GGN: variants seen among roughly 807,000 people sequenced by gnomAD.
GGN encodes the protein gametogenetin.
A neutral mutation model predicts 35.5 loss-of-function variants in GGN; 27 were observed. The ratio of observed to expected loss-of-function variants is 0.76; its 90% CI spans 0.56 to 1.05. The LOEUF (loss-of-function observed/expected upper bound fraction) is 1.05, where lower values mean the gene tolerates loss of function less well. Ranked by LOEUF, GGN falls within the 50% of genes least tolerant of loss-of-function variation. GGN has a pLI of 0.00. For missense variants in GGN, 1,006 were observed against 940.7 expected, an observed-to-expected ratio of 1.07 and a Z score of -0.91; for synonymous variants, 425 against 444.1, an observed-to-expected ratio of 0.96 and a Z score of 0.54.
At chr19:38,385,272 G>C (rs1970688649) in intron 3 of GGN, 149 bp downstream of exon 3, 1 of 1,069,642 alleles carries the variant, frequency 9.3e-7, no homozygotes, top group Non-Finnish European at 1.3e-6. Flanking sequence ...GGGTCCTCTT[G>C]GTCCTGAAGG....
At chr19:38,385,250 G>T (rs1342180975) in intron 3 of GGN, among the ~76,000 whole-genome samples, 171 bp downstream of exon 3, 1 of 152,244 alleles carries the variant, frequency 6.6e-6, no homozygotes. Flanking sequence ...TCAAAGGTCA[G>T]CATGGGATCA....
chr19:38,385,276 C>T (rs1278040423), intron 3 of GGN, 145 bp downstream of exon 3: 2 of 1,144,618 alleles, frequency 1.7e-6, no homozygotes, highest in Non-Finnish European at 2.5e-6. Context: ...CCTCTTGGTC[C>T]TGAAGGGTGG....
In GGN at chr19:38,386,205, A is replaced by G; in HGVS notation, c.1057T>C (p.Trp353Arg). 1 of 1,605,352 alleles carries G rather than the reference A, an allele frequency of 6.2e-7. No homozygotes were observed. Among genetic ancestry groups the G allele is most frequent in the Non-Finnish European group, 8.5e-7 (1 of 1,179,042 alleles). ...TCAGGGCCGTCGGGAGCGCTAACCCAGTCGAATTTGGGCTTCGAGCCTGGG... is the reference window on the plus strand; with the variant it reads ...TCAGGGCCGTCGGGAGCGCTAACCCGGTCGAATTTGGGCTTCGAGCCTGGG... ...TFPGSKPKFD[W>R]VSAPDGPERH... The change falls in exon 3 of 4, where the codon TGG becomes CGG. Residue 353 changes from tryptophan to arginine, a missense_variant. Physicochemically the swap from Trp to Arg is moderately radical, Grantham distance 101. Transcript: ENST00000334928.
chr19:38,386,788 C>A lies in GGN; in HGVS notation c.474G>T (p.Pro158=). 1 of 1,610,854 alleles carries A rather than the reference C, an allele frequency of 6.2e-7. No individual in the cohort carries two copies. Among genetic ancestry groups the A allele is most frequent in the Non-Finnish European group, 8.5e-7 (1 of 1,178,048 alleles). The change falls in exon 3 of 4, where the codon CCG becomes CCT. Residue 158 remains proline (P), a synonymous_variant. Coordinates refer to ENST00000334928, the MANE Select transcript of GGN (RefSeq NM_152657.4). ...GCGGCGGAAATTGGGATGGGGCCCT[C>A]GGGACAGTGTCCTTCACGGATAGTT... ...PRQLSVKDTV[P]RAPSQFPPPL... is the part of the protein sequence containing the mutation.
rs1319209481 is a variant in GGN at position 38,386,282 on chromosome 19, G to A, written c.980C>T (p.Ser327Leu). The change falls in exon 3 of 4, where the codon TCG (serine) becomes TTG (leucine). Residue 327 changes from serine to leucine, a missense_variant. Ser to Leu is a moderately radical substitution (Grantham distance 145). Transcript: ENST00000334928. Reference protein sequence around the residue: ...GDGEGCSGPPSAPASQARALP... With the variant: ...GDGEGCSGPPLAPASQARALP... ...GGCCCGGGCTTGGGACGCAGGCGCCGAGGGAGGACCAGAGCACCCTTCGCC... is the reference window on the plus strand; with the variant it reads ...GGCCCGGGCTTGGGACGCAGGCGCCAAGGGAGGACCAGAGCACCCTTCGCC... The A allele has an allele frequency of 1.9e-6, 3 of 1,609,872 alleles. No homozygotes were observed. The highest frequency in any genetic ancestry group is 2.2e-5 in the South Asian group (2 of 90,776).
intron 3 of GGN, 24 bp downstream of exon 3, chr19:38,385,397 C>T: frequency 6.2e-7 from 1 of 1,612,910 alleles, no homozygotes; most frequent in Non-Finnish European, 8.5e-7. Context: ...GTTCGGCACC[C>T]TCCTGTCCCT....
chr19:38,388,217 A>C (rs1600509616), upstream of GGN: 1 of 298,430 alleles, frequency 3.4e-6, no homozygotes, highest in Non-Finnish European at 6.1e-6. Flanking sequence ...AGACCCGGCA[A>C]CATCGCTTCT....
Position 38,384,462 on chromosome 19 carries a change from G to A in GGN, c.1909C>T (p.Leu637=). 1 of 1,614,122 alleles carries A rather than the reference G, an allele frequency of 6.2e-7. No homozygotes were observed. The highest frequency in any genetic ancestry group is 8.5e-7 in the Non-Finnish European group (1 of 1,180,000). The part of the protein sequence containing the change: ...WVATIKLSGS[L]VAKLEHYDLQ... ...TCGTAGTGCTCCAGCTTGGCCACCAGAGAGCCGGACAGCTTGATGGTGGCA... is the reference window on the plus strand; with the variant it reads ...TCGTAGTGCTCCAGCTTGGCCACCAAAGAGCCGGACAGCTTGATGGTGGCA... The change falls in exon 4 of 4, where the codon CTG becomes TTG. Residue 637 remains leucine, a synonymous_variant. Transcript: ENST00000334928.
chr19:38,386,028 C>T lies in GGN; in HGVS notation c.1234G>A (p.Ala412Thr). Reference protein sequence around the residue: ...GPRRPAPALLAPPTFIFPAPT... With the variant: ...GPRRPAPALLTPPTFIFPAPT... ...GCTGGGAAGATGAACGTAGGCGGCG[C>T]CAGCAGGGCAGGTGCGGGCCTCCGG... The change falls in exon 3 of 4, where the codon GCG becomes ACG. Residue 412 changes from alanine to threonine, a missense_variant. Transcript: ENST00000334928. 1 of 1,605,102 alleles carries T rather than the reference C, an allele frequency of 6.2e-7. No homozygotes were observed. The highest frequency in any genetic ancestry group is 8.5e-7 in the Non-Finnish European group (1 of 1,176,214).
chr19:38,385,847 T>G lies in GGN; in HGVS notation c.1415A>C (p.Lys472Thr), dbSNP rs1173840327. Residue 472 changes from lysine (K) to threonine (T), a missense_variant, in exon 3 of 4, where the codon AAG becomes ACG. Lys to Thr is a moderately conservative substitution (Grantham distance 78). Transcript: ENST00000334928. The part of the protein sequence containing the change: ...APPLTPGLGH[K>T]ESALAPTAAP... ...TGCGGTGGGAGCCAGGGCTGACTCC[T>G]TGTGGCCCAGACCCGGGGTGAGCGG... 6.5e-7 allele frequency: 1 copy of G among 1,542,218 alleles called. No homozygotes were observed. The highest frequency in any genetic ancestry group is 8.7e-7 in the Non-Finnish European group (1 of 1,147,912).
Position 38,386,320 on chromosome 19 carries a change from T to G in GGN, c.942A>C (p.Gly314=), listed in dbSNP as rs1568391380. 2 of 1,611,662 alleles carry G rather than the reference T, an allele frequency of 1.2e-6. No individual in the cohort carries two copies. The highest frequency in any genetic ancestry group is 1.7e-6 in the Non-Finnish European group (2 of 1,179,086). ...AGCACCCTTCGCCGTCTCCATCACC[T>G]CCCTCGGCTTCCTGTGCCCCTCGAG... The part of the protein sequence containing the change: ...EVSRGAQEAE[G]GDGDGEGCSG... Residue 314 remains glycine (G), a synonymous_variant, in exon 3 of 4, where the codon GGA becomes GGC. Coordinates refer to ENST00000334928, the MANE Select transcript of GGN (RefSeq NM_152657.4).
chr19:38,385,436 C>T lies in GGN; in HGVS notation c.1826G>A (p.Arg609His), dbSNP rs147254848. 23 of 1,614,084 alleles carry T rather than the reference C, an allele frequency of 1.4e-5. No individual in the cohort carries two copies. The highest frequency in any genetic ancestry group is 3.4e-4 in the Middle Eastern group (2 of 5,952). The part of the protein sequence containing the change: ...HHQPRHRRLP[R>H]NVSAWLSTST... Reference sequence around the variant, plus strand: ...CCCCTCTCACCAGGCAGAGACGTTGCGTGGCAGGCGGCGATGGCGTGGCTG... The same window carrying T: ...CCCCTCTCACCAGGCAGAGACGTTGTGTGGCAGGCGGCGATGGCGTGGCTG... Residue 609 changes from arginine to histidine, a missense_variant, in exon 3 of 4, where the codon CGC (arginine) becomes CAC (histidine). Transcript: ENST00000334928.
chr19:38,384,646 C>A (rs1970680188), intron 3 of GGN, 117 bp from the exon 4 acceptor site: 2 of 749,770 alleles, frequency 2.7e-6, no homozygotes, highest in Non-Finnish European at 4.5e-6. Context: ...ATTGGAATAT[C>A]CCAAAGGCAG....
Position 38,387,413 on chromosome 19 carries a change from G to A in GGN, c.-19-133C>T. ...AGATCCGATCAGGCCCAAGTCCTTA[G>A]GTCGCACTCCTGTTCCCCGACCTTC... On this transcript the variant is annotated intron_variant, in intron 2 of 3. Transcript: ENST00000334928. This position sits in a 1 kb window ranked among gnomAD's most constrained non-coding sequence, Gnocchi z 5.3. 7.2e-7 allele frequency: 1 copy of A among 1,394,182 alleles called. No individual in the cohort carries two copies. Among genetic ancestry groups the A allele is most frequent in the Non-Finnish European group, 9.4e-7 (1 of 1,062,738 alleles). 86.4% of individuals were successfully genotyped at this position (1,394,182 alleles called of 1,614,324 possible).
rs778544490 is a variant in GGN at position 38,386,074 on chromosome 19, C to T, written c.1188G>A (p.Gln396=). 2.5e-6 allele frequency: 4 copies of T among 1,589,696 alleles called. No homozygotes were observed. The highest frequency in any genetic ancestry group is 3.4e-6 in the Non-Finnish European group (4 of 1,169,770). The change falls in exon 3 of 4, where the codon CAG becomes CAA. Residue 396 remains glutamine (Q), a synonymous_variant. Transcript: ENST00000334928. ...TCCGGGGCCCGGGAGCTGAGTGTAT[C>T]TGCTCTGGTGGTGGCGGAGGGGAGC... ...PWGSPPPPPE[Q]IHSAPGPRRP...
At position 38,387,439 on chromosome 19, in the gene GGN, G is replaced by C. The variant is rs1304388889; in HGVS notation, c.-19-159C>G. ...GTCGCACTCCTGTTCCCCGACCTTCGACACTCACGCCTTCTTGCCCATGTC... is the reference window on the plus strand; with the variant it reads ...GTCGCACTCCTGTTCCCCGACCTTCCACACTCACGCCTTCTTGCCCATGTC... On this transcript the variant is annotated intron_variant, in intron 2 of 3. Coordinates refer to ENST00000334928, the MANE Select transcript of GGN (RefSeq NM_152657.4). This position sits in a 1 kb window ranked among gnomAD's most constrained non-coding sequence, Gnocchi z 5.3. Among the ~76,000 whole-genome samples the C allele has an allele frequency of 6.6e-6, 1 of 151,976 alleles. No individual in the cohort carries two copies. Among genetic ancestry groups the C allele is most frequent in the Non-Finnish European group, 1.5e-5 (1 of 67,970 alleles).
Position 38,387,202 on chromosome 19 carries a change from C to G in GGN, c.60G>C (p.Ser20=), listed in dbSNP as rs770092071. The part of the protein sequence containing the change: ...AGGGSRKVQP[S]DRAPDSRRTS... ...TCCGGCGGGAGTCGGGGGCGCGGTC[C>G]GAGGGCTGCACTTTTCGGGAGCCCC... is the stretch of plus-strand genomic sequence containing the variant. Residue 20 remains serine (S), a synonymous_variant, in exon 3 of 4, where the codon TCG becomes TCC. Coordinates refer to ENST00000334928, the MANE Select transcript of GGN (RefSeq NM_152657.4). This position sits in a 1 kb window ranked among gnomAD's most constrained non-coding sequence, Gnocchi z 5.3. 3 of 1,594,798 alleles carry G rather than the reference C, an allele frequency of 1.9e-6. No homozygotes were observed. The South Asian group carries it at 3.4e-5, about 18-fold the overall frequency.
intron 3 of GGN, 59 bp from the exon 4 acceptor site, chr19:38,384,588 C>A: frequency 8.1e-7 from 1 of 1,234,736 alleles, no homozygotes; most frequent in Non-Finnish European, 1.2e-6. Flanking sequence ...TCTAGCCCTT[C>A]TAGGGCCTCC....
intron 3 of GGN, 143 bp downstream of exon 3, chr19:38,385,278 G>A: frequency 8.6e-7 from 1 of 1,157,490 alleles, no homozygotes; most frequent in East Asian, 2.6e-5. Flanking sequence ...TCTTGGTCCT[G>A]AAGGGTGGGA....
Sources: gnomAD v4.1 joint callset for allele counts (sites outside exome capture counted in the v4.1 genomes callset) on GRCh38, gnomAD v4.1.1 for gene constraint, Gnocchi (gnomAD v3.1) non-coding constraint, MANE v1.5 for transcripts, NCBI Gene and HGNC (gene_info 2026-07-23, HGNC 2026-07-21) for gene names.